The following KIF13A variants were observed in gnomAD, a reference collection of about 807,000 sequenced individuals.
The protein encoded by KIF13A is kinesin-like protein KIF13A.
Under a neutral mutation model 212.2 loss-of-function variants are expected in KIF13A, and 79 were observed. That is an observed-to-expected ratio of 0.37 (90% confidence interval 0.31 to 0.45). The LOEUF (loss-of-function observed/expected upper bound fraction) is 0.45, where lower values mean the gene tolerates loss of function less well. Ranked by LOEUF, KIF13A falls within the 20% of genes least tolerant of loss-of-function variation. The probability of loss-of-function intolerance (pLI) is 1.00; values close to 1 mark genes in which losing one functional copy is unlikely to be tolerated. For synonymous variants in KIF13A, 789 were observed against 808.6 expected (o/e 0.98, Z 0.41); for missense variants, 1,901 against 2,209.0 (o/e 0.86, Z 2.79).
rs1227705476 is a variant in KIF13A at position 17,982,664 on chromosome 6, TCTTAC to T, written c.146+4385_146+4389del. Among the ~76,000 whole-genome samples the T allele has an allele frequency of 6.6e-6, 1 of 151,970 alleles. No individual in the cohort carries two copies. Among genetic ancestry groups the T allele is most frequent in the African/African-American group, 2.4e-5 (1 of 41,332 alleles). On this transcript the variant is annotated intron_variant, in intron 2 of 38. Coordinates refer to ENST00000259711, the MANE Select transcript of KIF13A (RefSeq NM_022113.6). This position sits in a 1 kb window ranked among gnomAD's most constrained non-coding sequence, Gnocchi z 5.1. The stretch of plus-strand genomic sequence containing the variant: ...GTTAGATATGCACTTTATTTTGGAG[TCTTAC>T]CTTACAATTCACTTACATAAAATAA...
chr6:17,846,485 A>G (rs1407671600), intron 9 of KIF13A, among the ~76,000 whole-genome samples: 3 of 151,962 alleles, frequency 2.0e-5, no homozygotes, highest in Non-Finnish European at 4.4e-5. Context: ...AAATAAGACG[A>G]GGCCAGAAGC....
At chr6:17,908,106 A>G (rs1162571071) in intron 2 of KIF13A, among the ~76,000 whole-genome samples, 3 of 152,114 alleles carry the variant, frequency 2.0e-5, no homozygotes, top group Non-Finnish European at 4.4e-5. Context: ...TGAAGGAAAA[A>G]TCTGTAAGAC....
At position 17,808,939 on chromosome 6, in the gene KIF13A, T is replaced by G. The variant is rs765258784; in HGVS notation, c.2001-9A>C. ...GTCGGAAGAGTTCATCCCTGCAGTG[T>G]CATAGAAAAGGGAACGAGAAAATCT... On this transcript the variant is annotated splice_polypyrimidine_tract_variant and intron_variant, in intron 17 of 38. Transcript: ENST00000259711. 6.4e-7 allele frequency: 1 copy of G among 1,574,044 alleles called. No homozygotes were observed.
chr6:17,822,875 G>C (rs530572012), intron 16 of KIF13A, among the ~76,000 whole-genome samples: 1 of 152,354 alleles, frequency 6.6e-6, no homozygotes, highest in South Asian at 2.1e-4. Flanking sequence ...GGAAGTAACA[G>C]AGTGGAATGA....
chr6:17,836,997 C>T lies in KIF13A; in HGVS notation c.1036G>A (p.Ala346Thr). ...TTCACAATCCTTTTGGCTCGGTCTG[C>T]ATATCTTAATGTGGAGAGGGTCTCT... ...YEETLSTLRY[A>T]DRAKRIVNHA... Residue 346 changes from alanine (A) to threonine (T), a missense_variant, in exon 11 of 39, where the codon GCA becomes ACA. Physicochemically the swap from Ala to Thr is moderately conservative, Grantham distance 58 (BLOSUM62 0). Coordinates refer to ENST00000259711, the MANE Select transcript of KIF13A (RefSeq NM_022113.6). The T allele has an allele frequency of 6.2e-7, 1 of 1,613,966 alleles. No individual in the cohort carries two copies. The highest frequency in any genetic ancestry group is 8.5e-7 in the Non-Finnish European group (1 of 1,179,884).
At chr6:17,780,296 A>G (rs192654140) in intron 31 of KIF13A, among the ~76,000 whole-genome samples, 1 of 152,344 alleles carries the variant, frequency 6.6e-6, no homozygotes, top group Admixed American at 6.5e-5. Context: ...GTCTTTCCTG[A>G]GATGGCTAGA....
At chr6:17,975,547 G>GA (rs558279322) in intron 2 of KIF13A, among the ~76,000 whole-genome samples, 412 of 151,006 alleles carry the variant, frequency 2.7e-3, no homozygotes, top group African/African-American at 4.2e-3. Flanking sequence ...AAGACCAAAA[G>GA]AAAAAAAAGC....
intron 2 of KIF13A, among the ~76,000 whole-genome samples, chr6:17,917,726 G>C (rs535821573): frequency 1.3e-5 from 2 of 152,250 alleles, no homozygotes; most frequent in Middle Eastern, 3.4e-3. Flanking sequence ...TTTGCAACCA[G>C]AATTATCTTT....
intron 2 of KIF13A, among the ~76,000 whole-genome samples, chr6:17,952,928 C>CA (rs34028292): frequency 5.3e-4 from 75 of 141,320 alleles, no homozygotes; most frequent in South Asian, 1.1e-3. Context: ...AGACTGTCTC[C>CA]AAAAAAAAAA....
intron 2 of KIF13A, among the ~76,000 whole-genome samples, chr6:17,930,211 T>C (rs879550697): frequency 1.3e-5 from 2 of 152,182 alleles, no homozygotes; most frequent in Non-Finnish European, 2.9e-5. Flanking sequence ...ACAATTTATT[T>C]TGAAACTTTC....
intron 2 of KIF13A, among the ~76,000 whole-genome samples, chr6:17,956,193 T>A (rs552110231): frequency 6.6e-6 from 1 of 152,188 alleles, no homozygotes. Context: ...AGTTGAGGCA[T>A]GGAGAGGACA....
chr6:17,792,332 G>C (rs1339034770), intron 25 of KIF13A, among the ~76,000 whole-genome samples: 4 of 151,188 alleles, frequency 2.6e-5, no homozygotes, highest in Non-Finnish European at 1.5e-5. Context: ...TGTTTTTATT[G>C]AACACCAGAG....
At position 17,796,733 on chromosome 6, in the gene KIF13A, C is replaced by T. The variant is rs1263307875; in HGVS notation, c.2878G>A (p.Gly960Arg). 2 of 1,593,440 alleles carry T rather than the reference C, an allele frequency of 1.3e-6. No homozygotes were observed. Among genetic ancestry groups the T allele is most frequent in the Non-Finnish European group, 8.6e-7 (1 of 1,169,150 alleles). Residue 960 changes from glycine to arginine, a missense_variant, in exon 23 of 39, where the codon GGA (glycine) becomes AGA (arginine). Gly to Arg is a moderately radical substitution (Grantham distance 125). Around this residue, in one of 5 missense-constraint regions of KIF13A, gnomAD observed 534 missense variants for 536.9 expected, o/e 0.99. Transcript: ENST00000259711. ...ACCTCCCAGATGGAGCTGCCATTTC[C>T]AGCACACCGGTGGCCCCATACTTCA... is the stretch of plus-strand genomic sequence containing the variant. ...AIEVWGHRCA[G>R]NGSSIWEVDS...
At chr6:17,867,987 GT>G (rs1266744826) in intron 4 of KIF13A, among the ~76,000 whole-genome samples, 6 of 152,188 alleles carry the variant, frequency 3.9e-5, no homozygotes, top group African/African-American at 1.4e-4. Flanking sequence ...GTGCTCTTCT[GT>G]CCCCTCACAG....
chr6:17,781,335 G>A, intron 29 of KIF13A, 34 bp from the exon 30 acceptor site: 5 of 1,514,648 alleles, frequency 3.3e-6, no homozygotes, highest in South Asian at 1.3e-5. Context: ...AAAACAGTAG[G>A]GGAAAGTCAG....
intron 2 of KIF13A, among the ~76,000 whole-genome samples, chr6:17,905,000 C>T (rs114428097): frequency 0.019 from 2,947 of 152,304 alleles, 42 homozygotes; most frequent in Non-Finnish European, 0.031. Flanking sequence ...AACAGGTCAT[C>T]GAAATCTTCT....
chr6:17,949,912 C>T (rs1777716170), intron 2 of KIF13A, among the ~76,000 whole-genome samples: 1 of 152,100 alleles, frequency 6.6e-6, no homozygotes, highest in African/African-American at 2.4e-5. Context: ...ATGATTTTCA[C>T]ATTCATAAAA....
chr6:17,780,688 T>A, intron 31 of KIF13A, 42 bp downstream of exon 31: 1 of 1,581,312 alleles, frequency 6.3e-7, no homozygotes, highest in Non-Finnish European at 8.6e-7. Flanking sequence ...AAAAATCTTT[T>A]GAGCTCAGAG....
chr6:17,774,410 C>G (rs1019401782), intron 35 of KIF13A, among the ~76,000 whole-genome samples: 5 of 152,130 alleles, frequency 3.3e-5, no homozygotes, highest in Non-Finnish European at 5.9e-5. Flanking sequence ...ACACAGATAT[C>G]TATTCAATTA....
Sources: gnomAD v4.1 joint callset for allele counts (sites outside exome capture counted in the v4.1 genomes callset) on GRCh38, gnomAD v4.1.1 for gene constraint, gnomAD v4.1.1 regional missense constraint, Gnocchi (gnomAD v3.1) non-coding constraint, MANE v1.5 for transcripts, NCBI Gene and HGNC (gene_info 2026-07-23, HGNC 2026-07-21) for gene names.